The following ERC2 variants were observed in gnomAD, a reference collection of about 807,000 sequenced individuals.
The protein encoded by ERC2 is ERC protein 2.
In ERC2, 42 loss-of-function variants were observed where a neutral mutation model predicts 114.8. The observed-to-expected ratio is 0.37, with a 90% confidence interval of 0.29 to 0.47. ERC2 has a LOEUF of 0.47. Among genes scored for constraint, ERC2 ranks in the 20% least tolerant of loss-of-function variants. The pLI, the probability that ERC2 is intolerant of heterozygous loss-of-function variation, is 0.99. For synonymous variants in ERC2, 454 were observed against 425.5 expected (o/e 1.07, Z -0.82); for missense variants, 939 against 1,150.7 (o/e 0.82, Z 2.66).
At chr3:55,900,594 CT>C (rs2064079930) in intron 13 of ERC2, among the ~76,000 whole-genome samples, 1 of 152,166 alleles carries the variant, frequency 6.6e-6, no homozygotes, top group Non-Finnish European at 1.5e-5. Context: ...TTTCTATCAG[CT>C]CAAATCAAGC....
Position 55,508,738 on chromosome 3 carries a change from T to G in ERC2, c.*2578A>C, listed in dbSNP as rs1437070539. 2.0e-5 allele frequency: 3 copies of G among 152,544 alleles called. No individual in the cohort carries two copies. Among genetic ancestry groups the G allele is most frequent in the Non-Finnish European group, 4.4e-5 (3 of 68,014 alleles). 9.4% of individuals were successfully genotyped at this position (152,544 alleles called of 1,614,324 possible). A position where few individuals can be genotyped will look rare whatever the true frequency, so the allele number is the denominator to read the frequency against. On this transcript the variant is annotated 3_prime_UTR_variant, in exon 18 of 18. Transcript: ENST00000288221. ...AAGTAAATTGAAACCCACTTTCAAA[T>G]GAAAGTTGACACGCTGTTAACGTGC...
intron 12 of ERC2, among the ~76,000 whole-genome samples, chr3:55,970,229 A>G (rs968725874): frequency 6.6e-6 from 1 of 152,180 alleles, no homozygotes; most frequent in Non-Finnish European, 1.5e-5. Flanking sequence ...AATAGCGCAA[A>G]TAACAAATCA....
At chr3:55,803,485 C>T (rs1407005102) in intron 14 of ERC2, among the ~76,000 whole-genome samples, 1 of 149,540 alleles carries the variant, frequency 6.7e-6, no homozygotes, top group Non-Finnish European at 1.5e-5. Flanking sequence ...ATGCTCAAAT[C>T]AAGGGCATTT....
intron 2 of ERC2, among the ~76,000 whole-genome samples, chr3:56,395,850 T>C (rs139534206): frequency 0.023 from 3,532 of 152,328 alleles, 40 homozygotes; most frequent in South Asian, 0.069. Context: ...AATTATGCAA[T>C]TGAAGACTGC....
intron 7 of ERC2, among the ~76,000 whole-genome samples, chr3:56,048,662 T>C (rs1050412580): frequency 6.6e-6 from 1 of 152,204 alleles, no homozygotes; most frequent in Non-Finnish European, 1.5e-5. Context: ...GTTATATGTT[T>C]TTTGATTCAT....
chr3:56,214,537 G>A (rs1222912994), intron 3 of ERC2, among the ~76,000 whole-genome samples: 7 of 152,052 alleles, frequency 4.6e-5, no homozygotes, highest in Admixed American at 3.9e-4. Flanking sequence ...TGAAAGTGAC[G>A]GGGAGAATGG....
intron 2 of ERC2, among the ~76,000 whole-genome samples, chr3:56,360,767 G>C (rs2058926987): frequency 6.6e-6 from 1 of 152,118 alleles, no homozygotes; most frequent in East Asian, 1.9e-4. Flanking sequence ...AATTAGCCAA[G>C]CATGGTGGCA....
At chr3:56,231,846 C>A (rs2150178688) in intron 3 of ERC2, among the ~76,000 whole-genome samples, 1 of 149,542 alleles carries the variant, frequency 6.7e-6, no homozygotes, top group South Asian at 2.1e-4. Flanking sequence ...TCTCATAGAT[C>A]CCCTAGATAA....
chr3:56,065,604 C>T (rs1285347893), intron 7 of ERC2, among the ~76,000 whole-genome samples: 2 of 151,998 alleles, frequency 1.3e-5, no homozygotes, highest in Non-Finnish European at 2.9e-5. Flanking sequence ...TTAATGTGTG[C>T]CACGGTGGTT....
intron 2 of ERC2, among the ~76,000 whole-genome samples, chr3:56,357,121 A>G (rs1291867394): frequency 6.6e-6 from 1 of 152,234 alleles, no homozygotes; most frequent in Admixed American, 6.5e-5. Flanking sequence ...CCATGCTTCT[A>G]TATTTCAAAA....
chr3:56,170,496 G>A (rs2082576112), intron 4 of ERC2, among the ~76,000 whole-genome samples: 1 of 151,986 alleles, frequency 6.6e-6, no homozygotes, highest in Non-Finnish European at 1.5e-5. Context: ...GGGGACAATG[G>A]GGGTTGAAGC....
rs149043474 is a variant in ERC2 at position 55,512,523 on chromosome 3, A to T, written c.*40-1247T>A. On this transcript the variant is annotated intron_variant, in intron 17 of 17. Coordinates refer to ENST00000288221, the MANE Select transcript of ERC2 (RefSeq NM_015576.3). Reference sequence around the variant, plus strand: ...AAGCATTTCTTAATCATCCTTTTAAAGGGCTGACCAATATATTAAAAGGCC... The same window carrying T: ...AAGCATTTCTTAATCATCCTTTTAATGGGCTGACCAATATATTAAAAGGCC... 2.6e-4 allele frequency among the ~76,000 whole-genome samples: 39 copies of T among 152,338 alleles called. No homozygotes were observed. In the East Asian group the frequency reaches 7.1e-3, roughly 28 times the overall value.
intron 2 of ERC2, among the ~76,000 whole-genome samples, chr3:56,401,422 AT>A (rs2060515311): frequency 6.6e-6 from 1 of 152,182 alleles, no homozygotes; most frequent in African/African-American, 2.4e-5. Flanking sequence ...TTGTATGTAA[AT>A]TATGCTCTGT....
chr3:55,684,257 C>T (rs1559496698), intron 16 of ERC2, among the ~76,000 whole-genome samples: 3 of 151,994 alleles, frequency 2.0e-5, no homozygotes, highest in Non-Finnish European at 4.4e-5. Context: ...TAATCAAATA[C>T]CCTTAATTTC....
At chr3:55,712,779 G>C (rs709340) in intron 15 of ERC2, among the ~76,000 whole-genome samples, 1 of 151,844 alleles carries the variant, frequency 6.6e-6, no homozygotes, top group Admixed American at 6.6e-5. Context: ...GGCAGCTCAC[G>C]TCTTCAGATA....
Position 55,580,231 on chromosome 3 carries a change from A to ATT in ERC2, c.*40-68957_*40-68956dup, listed in dbSNP as rs71763172. Among the ~76,000 whole-genome samples, 437 of 144,888 alleles carry ATT rather than the reference A, an allele frequency of 3.0e-3. 1 individual carries two copies. Among genetic ancestry groups the ATT allele is most frequent in the African/African-American group, 0.011 (418 of 39,370 alleles). ...ACCACTTGACAGCAATAGGAAGCAT[A>ATT]TTTTTTTTTTTTTTGTCTTGGGGAA... On this transcript the variant is annotated intron_variant, in intron 17 of 17. Transcript: ENST00000288221.
chr3:56,079,985 T>A (rs370562335), intron 7 of ERC2, among the ~76,000 whole-genome samples: 2 of 152,108 alleles, frequency 1.3e-5, no homozygotes, highest in African/African-American at 2.4e-5. Context: ...GATGGCAGCA[T>A]CCAGGTCAGA....
chr3:56,380,271 C>T (rs1446624560), intron 2 of ERC2, among the ~76,000 whole-genome samples: 1 of 152,052 alleles, frequency 6.6e-6, no homozygotes, highest in Non-Finnish European at 1.5e-5. Context: ...ACCTGAGGTC[C>T]TGTCGCTAAT....
intron 14 of ERC2, among the ~76,000 whole-genome samples, chr3:55,775,449 T>G (rs978738806): frequency 6.6e-6 from 1 of 151,766 alleles, no homozygotes; most frequent in Non-Finnish European, 1.5e-5. Context: ...GAAGATCACT[T>G]GAGCCCAGGA....
Sources: allele counts gnomAD v4.1 joint callset (sites outside exome capture counted in the v4.1 genomes callset), GRCh38; gene constraint gnomAD v4.1.1; transcripts MANE v1.5; gene names NCBI Gene and HGNC (gene_info 2026-07-23, HGNC 2026-07-21).